Variants in PDE4D observed in about 807,000 individuals in gnomAD.
PDE4D encodes 3',5'-cyclic-AMP phosphodiesterase 4D.
Under a neutral mutation model 87.4 loss-of-function variants are expected in PDE4D, and 24 were observed. That is an observed-to-expected ratio of 0.27 (90% CI 0.20 to 0.39). The LOEUF is 0.39. Ranked by LOEUF, PDE4D falls within the 10% of genes least tolerant of loss-of-function variation. The pLI is 1.00. For missense variants in PDE4D, 714 were observed against 1,041.0 expected, an observed-to-expected ratio of 0.69 and a Z score of 4.32; for synonymous variants, 384 against 383.2, an observed-to-expected ratio of 1.00 and a Z score of -0.02.
chr5:60,312,320 C>A (rs867671340), intron 1 of PDE4D, among the ~76,000 whole-genome samples: 1 of 151,982 alleles, frequency 6.6e-6, no homozygotes, highest in South Asian at 2.1e-4. Context: ...TTAGCAAGTT[C>A]AAAAAAACGG....
rs188153412 is a variant in PDE4D at position 59,256,983 on chromosome 5, A to G, written c.456-41015T>C. Among the ~76,000 whole-genome samples, 62 of 152,200 alleles carry G rather than the reference A, an allele frequency of 4.1e-4. 3 individuals are homozygous for G. In the East Asian group the frequency reaches 9.3e-3, roughly 23 times the overall value. The stretch of plus-strand genomic sequence containing the variant: ...CAAAATACAAACTGCAGAACAATGA[A>G]TGTGCAGATTATGCTCCATTTTGTA... On this transcript the variant is annotated intron_variant, in intron 1 of 14. Transcript: ENST00000340635.
intron 1 of PDE4D, among the ~76,000 whole-genome samples, chr5:59,525,357 A>T (rs1320727018): frequency 6.6e-6 from 1 of 152,240 alleles, no homozygotes; most frequent in African/African-American, 2.4e-5. Flanking sequence ...TTGGACTTGC[A>T]TGGGGCCTGT....
intron 2 of PDE4D, among the ~76,000 whole-genome samples, chr5:60,007,201 C>T (rs1278588469): frequency 6.6e-6 from 1 of 151,892 alleles, no homozygotes; most frequent in East Asian, 1.9e-4. Context: ...TCAGTTACCA[C>T]CCCAAACAAT....
At chr5:60,152,372 G>A (rs1202130641) in intron 2 of PDE4D, among the ~76,000 whole-genome samples, 1 of 151,982 alleles carries the variant, frequency 6.6e-6, no homozygotes, top group East Asian at 1.9e-4. Flanking sequence ...CCAATGAGGG[G>A]GCCAGGTGTG....
chr5:59,468,134 T>C (rs1395845095), intron 1 of PDE4D, among the ~76,000 whole-genome samples: 1 of 152,206 alleles, frequency 6.6e-6, no homozygotes, highest in Non-Finnish European at 1.5e-5. Flanking sequence ...GCTGTTCATC[T>C]AACCAATAAG....
At chr5:60,084,405 T>TGC (rs925154360) in intron 2 of PDE4D, among the ~76,000 whole-genome samples, 22 of 125,736 alleles carry the variant, frequency 1.7e-4, no homozygotes, top group South Asian at 5.5e-4. Context: ...TGTGTGTGTG[T>TGC]GCGCGCGCGC....
At chr5:59,160,418 T>C (rs1214045090) in intron 5 of PDE4D, among the ~76,000 whole-genome samples, 1 of 152,200 alleles carries the variant, frequency 6.6e-6, no homozygotes, top group African/African-American at 2.4e-5. Context: ...CATCTTATGC[T>C]TGAATATCGC....
chr5:59,460,702 G>T (rs1441485814), intron 1 of PDE4D, among the ~76,000 whole-genome samples: 4 of 152,108 alleles, frequency 2.6e-5, no homozygotes, highest in Non-Finnish European at 4.4e-5. Context: ...CTTCCTTAAG[G>T]TCTCCAAGCC....
intron 3 of PDE4D, among the ~76,000 whole-genome samples, chr5:59,962,313 A>G (rs1759557165): frequency 6.6e-6 from 1 of 152,170 alleles, no homozygotes; most frequent in African/African-American, 2.4e-5. Context: ...AGTTAATCAA[A>G]CTAACACACA....
intron 1 of PDE4D, among the ~76,000 whole-genome samples, chr5:59,347,712 A>G: frequency 6.6e-6 from 1 of 152,108 alleles, no homozygotes; most frequent in South Asian, 2.1e-4. Context: ...TCTTCTTTTC[A>G]TCTTCCTCCT....
intron 6 of PDE4D, among the ~76,000 whole-genome samples, chr5:59,016,379 ATCAGTCTGTTCTTT>A (rs1753996711): frequency 8.0e-6 from 1 of 125,338 alleles, no homozygotes. Flanking sequence ...GCCCTAGATT[ATCAGTCTGTTCTTT>A]TTTTTTTTTT....
intron 1 of PDE4D, among the ~76,000 whole-genome samples, chr5:60,313,890 A>T (rs1400941965): frequency 6.6e-6 from 1 of 152,236 alleles, no homozygotes; most frequent in East Asian, 1.9e-4. Context: ...AAAATTAAGC[A>T]TCACTTCATT....
At chr5:59,342,515 T>G (rs1284969331) in intron 1 of PDE4D, among the ~76,000 whole-genome samples, 1 of 152,160 alleles carries the variant, frequency 6.6e-6, no homozygotes, top group Non-Finnish European at 1.5e-5. Flanking sequence ...TTTATTTCTC[T>G]CATATATAAA....
At chr5:59,572,284 GGTTAAAGAA>G (rs1197528696) in intron 1 of PDE4D, among the ~76,000 whole-genome samples, 1 of 152,040 alleles carries the variant, frequency 6.6e-6, no homozygotes, top group Non-Finnish European at 1.5e-5. Flanking sequence ...CTATAAGTTG[GGTTAAAGAA>G]GTGAGAATGC....
chr5:59,519,656 G>C (rs373532427), intron 1 of PDE4D, among the ~76,000 whole-genome samples: 1 of 152,194 alleles, frequency 6.6e-6, no homozygotes, highest in Non-Finnish European at 1.5e-5. Context: ...GCAAGAATTT[G>C]ACTTTGACTC....
chr5:60,197,076 GTT>G (rs1562208428), intron 1 of PDE4D, among the ~76,000 whole-genome samples: 27 of 73,198 alleles, frequency 3.7e-4, no homozygotes, highest in South Asian at 1.8e-3. Flanking sequence ...TAGATAGACA[GTT>G]AGATAGATAG....
At chr5:60,136,391 A>G (rs960620039) in intron 2 of PDE4D, among the ~76,000 whole-genome samples, 2 of 151,620 alleles carry the variant, frequency 1.3e-5, no homozygotes, top group African/African-American at 4.9e-5. Flanking sequence ...ATCTCAGCTC[A>G]CTGCAACCTC....
Position 58,975,898 on chromosome 5 carries a change from C to CAAACAA in PDE4D, c.1831-60_1831-59insTTGTTT. On this transcript the variant is annotated intron_variant, in intron 13 of 14. Coordinates refer to ENST00000340635, the MANE Select transcript of PDE4D (RefSeq NM_001104631.2). The surrounding 1 kb of genome is among the most constrained non-coding windows in gnomAD (Gnocchi z 4.2). ...TGTTCCTTTTTTTTAAAAAAAAAAA[C>CAAACAA]AAAAAAAACTAGAAATTCACATTGG... 1.1e-6 allele frequency: 1 copy of CAAACAA among 875,980 alleles called. No individual in the cohort carries two copies. Among genetic ancestry groups the CAAACAA allele is most frequent in the African/African-American group, 1.8e-5 (1 of 55,216 alleles). The allele number at this position is 875,980 out of a possible 1,614,324, so 54.3% of individuals were successfully genotyped here.
chr5:59,248,041 GTAAAAAAA>G (rs1367466384), intron 1 of PDE4D, among the ~76,000 whole-genome samples: 9 of 47,854 alleles, frequency 1.9e-4, no homozygotes, highest in African/African-American at 5.0e-4. Flanking sequence ...GTATCTATTA[GTAAAAAAA>G]AAAAAAAAAA....
Sources: gnomAD v4.1 joint callset for allele counts (sites outside exome capture counted in the v4.1 genomes callset) on GRCh38, gnomAD v4.1.1 for gene constraint, Gnocchi (gnomAD v3.1) non-coding constraint, MANE v1.5 for transcripts, NCBI Gene and HGNC (gene_info 2026-07-23, HGNC 2026-07-21) for gene names.